Variants in TMEM132D observed in about 807,000 individuals in gnomAD.
The protein encoded by TMEM132D is mature OL transmembrane protein.
In TMEM132D, 21 loss-of-function variants were observed where a neutral mutation model predicts 62.3. That is an observed-to-expected ratio of 0.34 (90% CI 0.24 to 0.49). The LOEUF (loss-of-function observed/expected upper bound fraction) is 0.49, where lower values mean the gene tolerates loss of function less well. Ranked by LOEUF, TMEM132D falls within the 20% of genes least tolerant of loss-of-function variation. TMEM132D has a pLI of 0.99. For synonymous variants in TMEM132D, 621 were observed against 575.6 expected (o/e 1.08, Z -1.13); for missense variants, 1,346 against 1,402.8 (o/e 0.96, Z 0.65).
chr12:129,519,387 C>T (rs1875780911), intron 3 of TMEM132D, among the ~76,000 whole-genome samples: 1 of 152,152 alleles, frequency 6.6e-6, no homozygotes, highest in South Asian at 2.1e-4. Context: ...GTAGTTATTA[C>T]ACATGCTGCT....
chr12:129,362,941 T>G (rs1178691976), intron 3 of TMEM132D, among the ~76,000 whole-genome samples: 2 of 152,226 alleles, frequency 1.3e-5, no homozygotes, highest in Non-Finnish European at 2.9e-5. Flanking sequence ...TAATTGACAA[T>G]TGCACATGGT....
At chr12:129,657,773 T>G (rs576309019) in intron 2 of TMEM132D, among the ~76,000 whole-genome samples, 1 of 152,262 alleles carries the variant, frequency 6.6e-6, no homozygotes, top group Non-Finnish European at 1.5e-5. Context: ...TCCTTAAACT[T>G]AGACACTGGA....
chr12:129,458,026 C>T (rs1430294655), intron 3 of TMEM132D, among the ~76,000 whole-genome samples: 1 of 152,232 alleles, frequency 6.6e-6, no homozygotes, highest in Non-Finnish European at 1.5e-5. Context: ...CCCACGGGCA[C>T]TTCCTCCAGG....
chr12:129,144,758 A>ACT (rs1876842149), intron 5 of TMEM132D, among the ~76,000 whole-genome samples: 1 of 151,338 alleles, frequency 6.6e-6, no homozygotes, highest in Non-Finnish European at 1.5e-5. Flanking sequence ...TATCTAACCA[A>ACT]CTCTATCTAT....
intron 4 of TMEM132D, among the ~76,000 whole-genome samples, 193 bp downstream of exon 4, chr12:129,337,441 G>GCACACATACA (rs1869325415): frequency 6.8e-6 from 1 of 148,112 alleles, no homozygotes; most frequent in African/African-American, 2.5e-5. Flanking sequence ...ATACACACAC[G>GCACACATACA]CACACACACA....
intron 1 of TMEM132D, among the ~76,000 whole-genome samples, chr12:129,769,436 A>G (rs1870657132): frequency 6.6e-6 from 1 of 152,172 alleles, no homozygotes; most frequent in Non-Finnish European, 1.5e-5. Context: ...ACCTGCCCCC[A>G]TGATTCAATT....
chr12:129,740,251 C>A lies in TMEM132D; in HGVS notation c.80-39553G>T, dbSNP rs555231968. Among the ~76,000 whole-genome samples the A allele has an allele frequency of 2.0e-5, 3 of 152,264 alleles. No homozygotes were observed. The South Asian group carries it at 6.2e-4, about 32-fold the overall frequency. On this transcript the variant is annotated intron_variant, in intron 1 of 8. Transcript: ENST00000422113. Reference sequence around the variant, plus strand: ...TCCATTTCTTTCTAGGATTTTGACTCAAACAAAAGTGCAGAATAATTTTGT... The same window carrying A: ...TCCATTTCTTTCTAGGATTTTGACTAAAACAAAAGTGCAGAATAATTTTGT...
At chr12:129,321,529 C>A (rs527821200) in intron 4 of TMEM132D, among the ~76,000 whole-genome samples, 1 of 152,210 alleles carries the variant, frequency 6.6e-6, no homozygotes, top group South Asian at 2.1e-4. Flanking sequence ...GTGGTCCTCA[C>A]GCCTCAGGAC....
chr12:129,267,212 G>A (rs1033767666), intron 4 of TMEM132D, among the ~76,000 whole-genome samples: 2 of 151,986 alleles, frequency 1.3e-5, no homozygotes, highest in African/African-American at 2.4e-5. Context: ...AGAAATAAAG[G>A]GTATTCAATT....
intron 3 of TMEM132D, among the ~76,000 whole-genome samples, chr12:129,419,172 C>G (rs1420054014): frequency 6.8e-6 from 1 of 146,804 alleles, no homozygotes; most frequent in Non-Finnish European, 1.5e-5. Flanking sequence ...CTTCTATTTC[C>G]TTGAGAGTCC....
rs759679883 is a variant in TMEM132D, at chr12:129,865,463, G to A, written c.79+37798C>T. ...CAGCAGTGAGTTCCCTCCAAACTCC[G>A]TGTGAGCTCATCACGGAGCCTGCAA... On this transcript the variant is annotated intron_variant, in intron 1 of 8. Transcript: ENST00000422113. Among the ~76,000 whole-genome samples, 8 of 152,214 alleles carry A rather than the reference G, an allele frequency of 5.3e-5. 1 individual carries two copies. The highest frequency in any genetic ancestry group is 4.8e-5 in the African/African-American group (2 of 41,544).
chr12:129,550,150 T>A (rs1277975874), intron 2 of TMEM132D, among the ~76,000 whole-genome samples: 2 of 152,226 alleles, frequency 1.3e-5, no homozygotes, highest in African/African-American at 4.8e-5. Context: ...AGAGATAATT[T>A]TCCAGATTCT....
intron 1 of TMEM132D, among the ~76,000 whole-genome samples, chr12:129,702,178 G>T (rs531578685): frequency 6.6e-6 from 1 of 152,294 alleles, no homozygotes; most frequent in East Asian, 1.9e-4. Context: ...CCAATCATCG[G>T]CATGACCAAA....
intron 1 of TMEM132D, among the ~76,000 whole-genome samples, chr12:129,705,149 G>A (rs1281032268): frequency 1.3e-5 from 2 of 152,154 alleles, no homozygotes; most frequent in Non-Finnish European, 2.9e-5. Flanking sequence ...CATGTGAGAT[G>A]CACATTAGAT....
At chr12:129,412,101 A>G (rs1415207018) in intron 3 of TMEM132D, among the ~76,000 whole-genome samples, 1 of 152,128 alleles carries the variant, frequency 6.6e-6, no homozygotes, top group Non-Finnish European at 1.5e-5. Flanking sequence ...AGAAAATCCT[A>G]TTTCAAAGCC....
rs549391674 is a variant in TMEM132D at position 129,715,461 on chromosome 12, C to G, written c.80-14763G>C. On this transcript the variant is annotated intron_variant, in intron 1 of 8. Transcript: ENST00000422113. ...GTGCTTCAGTGAAAACTGATGCACA[C>G]CTTTCTAAGTTTTCCAGTTCTGATT... is the stretch of plus-strand genomic sequence containing the variant. 2.6e-5 allele frequency among the ~76,000 whole-genome samples: 4 copies of G among 152,282 alleles called. No individual in the cohort carries two copies. In the South Asian group the frequency reaches 8.3e-4, roughly 32 times the overall value.
At chr12:129,299,571 A>T (rs1405799899) in intron 4 of TMEM132D, among the ~76,000 whole-genome samples, 1 of 151,852 alleles carries the variant, frequency 6.6e-6, no homozygotes, top group Non-Finnish European at 1.5e-5. Context: ...TGTATGTGAC[A>T]ATTCATGGGA....
intron 1 of TMEM132D, among the ~76,000 whole-genome samples, chr12:129,901,631 T>G (rs535730110): frequency 2.0e-5 from 3 of 152,330 alleles, no homozygotes; most frequent in East Asian, 1.9e-4. Context: ...TTTAAGGACA[T>G]GTTCAGTGTT....
chr12:129,779,441 C>A lies in TMEM132D; in HGVS notation c.80-78743G>T, dbSNP rs1379030267. On this transcript the variant is annotated intron_variant, in intron 1 of 8. Transcript: ENST00000422113. This position sits in a 1 kb window ranked among gnomAD's most constrained non-coding sequence, Gnocchi z 4.1. ...GTAGCAGGAACTGCAGGTGTCCACC[C>A]ACCATGCCCAGCTAATATTTTGTAG... Among the ~76,000 whole-genome samples the A allele has an allele frequency of 2.0e-5, 3 of 152,066 alleles. No individual in the cohort carries two copies. The highest frequency in any genetic ancestry group is 4.4e-5 in the Non-Finnish European group (3 of 68,022).
Sources: allele counts gnomAD v4.1 joint callset (sites outside exome capture counted in the v4.1 genomes callset), GRCh38; gene constraint gnomAD v4.1.1; non-coding constraint Gnocchi (gnomAD v3.1); transcripts MANE v1.5; gene names NCBI Gene and HGNC (gene_info 2026-07-23, HGNC 2026-07-21).